The following SGSM2 variants were observed in gnomAD, a reference collection of about 807,000 sequenced individuals.
The protein encoded by SGSM2 is small G protein signaling modulator 2.
A neutral mutation model predicts 126.6 loss-of-function variants in SGSM2; 89 were observed. The observed-to-expected ratio is 0.70, with a 90% CI of 0.59 to 0.84. The LOEUF is 0.84. Ranked by LOEUF, SGSM2 falls within the 40% of genes least tolerant of loss-of-function variation. The probability of loss-of-function intolerance (pLI) is 0.00; values close to 1 mark genes in which losing one functional copy is unlikely to be tolerated. For synonymous variants in SGSM2, 614 were observed against 574.3 expected, an observed-to-expected ratio of 1.07 and a Z score of -0.99; for missense variants, 1,404 against 1,416.6, an observed-to-expected ratio of 0.99 and a Z score of 0.14.
Position 2,377,856 on chromosome 17 carries a change from G to A in SGSM2, c.2803-1G>A. Reference sequence around the variant, plus strand: ...TCTCTCCCTTTTCCCACCCACATAAGATCCTGGACTCAGAGCTGTTTGAGC... The same window carrying A: ...TCTCTCCCTTTTCCCACCCACATAAAATCCTGGACTCAGAGCTGTTTGAGC... On this transcript the variant is annotated splice_acceptor_variant, in intron 21 of 23. Transcript: ENST00000268989. LOFTEE classifies it high-confidence loss of function. 1 of 1,602,388 alleles carries A rather than the reference G, an allele frequency of 6.2e-7. No homozygotes were observed. The highest frequency in any genetic ancestry group is 8.5e-7 in the Non-Finnish European group (1 of 1,169,630).
intron 1 of SGSM2, among the ~76,000 whole-genome samples, chr17:2,339,381 G>A (rs1464694970): frequency 6.6e-6 from 1 of 152,124 alleles, no homozygotes; most frequent in Non-Finnish European, 1.5e-5. Flanking sequence ...GTTGCAGTGA[G>A]CCAAGATCGA....
chr17:2,349,727 G>C (rs2064765300), intron 2 of SGSM2, among the ~76,000 whole-genome samples: 2 of 152,106 alleles, frequency 1.3e-5, no homozygotes, highest in East Asian at 3.9e-4. Context: ...TGAGTACATG[G>C]GCAGCTGTTA....
At chr17:2,366,330 G>T (rs978240873) in intron 11 of SGSM2, among the ~76,000 whole-genome samples, 2 of 152,176 alleles carry the variant, frequency 1.3e-5, no homozygotes, top group East Asian at 3.8e-4. Flanking sequence ...CTGCCCATAG[G>T]CTTCTCTGGG....
chr17:2,375,421 G>A (rs2066085355), intron 17 of SGSM2, 71 bp from the exon 18 acceptor site: 3 of 1,526,324 alleles, frequency 2.0e-6, no homozygotes, highest in African/African-American at 2.7e-5. Context: ...GCTCCCTTCT[G>A]GCCCGAGGAG....
chr17:2,364,739 C>T (rs1597361981), intron 9 of SGSM2, 76 bp downstream of exon 9: 8 of 1,572,558 alleles, frequency 5.1e-6, no homozygotes, highest in Non-Finnish European at 7.0e-6. Context: ...TGCGTGGGGC[C>T]TGTAAGACTC....
At chr17:2,343,296 C>T (rs1381020649) in intron 1 of SGSM2, among the ~76,000 whole-genome samples, 2 of 152,136 alleles carry the variant, frequency 1.3e-5, no homozygotes, top group East Asian at 3.9e-4. Context: ...GGCACTTCCA[C>T]CTGGGCTGGA....
Position 2,375,763 on chromosome 17 carries a change from G to C in SGSM2, c.2372G>C (p.Gly791Ala). 2 of 1,599,576 alleles carry C rather than the reference G, an allele frequency of 1.3e-6. No homozygotes were observed. Among genetic ancestry groups the C allele is most frequent in the Non-Finnish European group, 1.7e-6 (2 of 1,171,502 alleles). Residue 791 changes from glycine to alanine, a missense_variant, in exon 18 of 24, where the codon GGC becomes GCC. Coordinates refer to ENST00000268989, the MANE Select transcript of SGSM2 (RefSeq NM_014853.3). ...GGGGAGGAAGGCTCCAGTGGGCCCGGCCCTGCAGCTCACACTTTGAGGGAG... is the reference window on the plus strand; with the variant it reads ...GGGGAGGAAGGCTCCAGTGGGCCCGCCCCTGCAGCTCACACTTTGAGGGAG... ...GGGEEGSSGPGPAAHTLREPQ... is the reference protein window; with the variant it reads ...GGGEEGSSGPAPAAHTLREPQ...
In SGSM2 at chr17:2,372,880, TGGGATG is replaced by T; in HGVS notation, c.1789-69_1789-64del. ...AGGCCCCGCCCCAGCCCATTCTCCG[TGGGATG>T]GGGCTCACCCAGCTGGGCCACGGTG... On this transcript the variant is annotated intron_variant, in intron 15 of 23. Transcript: ENST00000268989. The surrounding 1 kb of genome is among the most constrained non-coding windows in gnomAD (Gnocchi z 6.0). 6.6e-7 allele frequency: 1 copy of T among 1,522,982 alleles called. No homozygotes were observed. Among genetic ancestry groups the T allele is most frequent in the Non-Finnish European group, 8.8e-7 (1 of 1,131,378 alleles). 94.3% of individuals were successfully genotyped at this position (1,522,982 alleles called of 1,614,324 possible).
At position 2,364,448 on chromosome 17, in the gene SGSM2, C is replaced by T. The variant is rs1054351953; in HGVS notation, c.933-148C>T. The T allele has an allele frequency of 5.5e-6, 5 of 907,384 alleles. 1 individual carries two copies. The highest frequency in any genetic ancestry group is 4.6e-5 in the South Asian group (3 of 65,164). 56.2% of individuals were successfully genotyped at this position (907,384 alleles called of 1,614,324 possible). A position where few individuals can be genotyped will look rare whatever the true frequency, so the allele number is the denominator to read the frequency against. On this transcript the variant is annotated intron_variant, in intron 8 of 23. Coordinates refer to ENST00000268989, the MANE Select transcript of SGSM2 (RefSeq NM_014853.3). ...TGTGCCGAGCGGGCAGCACAGATCT[C>T]AGGGGTCATGGCTGGCTGTGTGCAC...
Position 2,380,539 on chromosome 17 carries a change from T to C in SGSM2, c.*1019T>C. 3.5e-6 allele frequency: 2 copies of C among 577,648 alleles called. No individual in the cohort carries two copies. Among genetic ancestry groups the C allele is most frequent in the Non-Finnish European group, 6.2e-6 (2 of 323,332 alleles). The allele number at this position is 577,648 out of a possible 1,614,324, so 35.8% of individuals were successfully genotyped here. On this transcript the variant is annotated 3_prime_UTR_variant, in exon 24 of 24. Transcript: ENST00000268989. ...AGGCTAGCTCTGCCTTCCACATGCT[T>C]CTCAGGATGCCAAGAGGCCTAGGAA...
rs144830807 is a variant in SGSM2, at chr17:2,372,063, C to T, written c.1578-127C>T. ...GCACCCACTGACGGCTGCTGGGCTG[C>T]GGCTCCTCCTCCTCGCACCCTCCCC... is the stretch of plus-strand genomic sequence containing the variant. On this transcript the variant is annotated intron_variant, in intron 13 of 23. Coordinates refer to ENST00000268989, the MANE Select transcript of SGSM2 (RefSeq NM_014853.3). The surrounding 1 kb of genome is among the most constrained non-coding windows in gnomAD (Gnocchi z 6.0). The T allele has an allele frequency of 1.2e-3, 1,350 of 1,091,270 alleles. 2 individuals are homozygous for T. The highest frequency in any genetic ancestry group is 1.5e-3 in the Non-Finnish European group (1,076 of 738,696). 67.6% of individuals were successfully genotyped at this position (1,091,270 alleles called of 1,614,324 possible).
At chr17:2,378,551 AAAG>A (rs1371105850) in intron 22 of SGSM2, among the ~76,000 whole-genome samples, 3 of 152,190 alleles carry the variant, frequency 2.0e-5, no homozygotes, top group African/African-American at 4.8e-5. Flanking sequence ...AAAGAAAAGA[AAAG>A]AAAAAATTGA....
chr17:2,373,322 T>C lies in SGSM2; in HGVS notation c.1918-9T>C, dbSNP rs1472726155. 2.5e-6 allele frequency: 4 copies of C among 1,609,194 alleles called. No individual in the cohort carries two copies. In the Admixed American group the frequency reaches 6.7e-5, roughly 27 times the overall value. On this transcript the variant is annotated splice_polypyrimidine_tract_variant and intron_variant, in intron 16 of 23. Coordinates refer to ENST00000268989, the MANE Select transcript of SGSM2 (RefSeq NM_014853.3). Reference sequence around the variant, plus strand: ...CTTCCCCCATGGTCGTGGTGTGGTCTGAGTACAGGTGGACGCAGTGGTGGC... The same window carrying C: ...CTTCCCCCATGGTCGTGGTGTGGTCCGAGTACAGGTGGACGCAGTGGTGGC...
chr17:2,364,899 A>G lies in SGSM2; in HGVS notation c.1003A>G (p.Ser335Gly). ...VVCIHCHQQK[S>G]GGTLVLVSQD... ...GCACTCTCCACGTTCACCCCCAGAGAGCGGTGGCACGCTTGTGCTGGTGAG... is the reference window on the plus strand; with the variant it reads ...GCACTCTCCACGTTCACCCCCAGAGGGCGGTGGCACGCTTGTGCTGGTGAG... Residue 335 changes from serine to glycine, a missense_variant and splice_region_variant, in exon 10 of 24, where the codon AGC becomes GGC. Ser to Gly is a moderately conservative substitution (Grantham distance 56, BLOSUM62 0). Transcript: ENST00000268989. The G allele has an allele frequency of 6.2e-7, 1 of 1,608,976 alleles. No homozygotes were observed. The highest frequency in any genetic ancestry group is 8.5e-7 in the Non-Finnish European group (1 of 1,179,906).
intron 2 of SGSM2, among the ~76,000 whole-genome samples, chr17:2,352,906 T>G (rs2064926571): frequency 7.2e-6 from 1 of 139,006 alleles, no homozygotes; most frequent in Non-Finnish European, 1.5e-5. Flanking sequence ...GCCTCCCGAG[T>G]AGCTGGGACT....
At chr17:2,349,504 C>G (rs1452223296) in intron 2 of SGSM2, among the ~76,000 whole-genome samples, 1 of 151,948 alleles carries the variant, frequency 6.6e-6, no homozygotes, top group Admixed American at 6.6e-5. Context: ...ATCAGGAACT[C>G]AATAAGGAAA....
chr17:2,349,530 G>A (rs991611034), intron 2 of SGSM2, among the ~76,000 whole-genome samples: 1 of 152,060 alleles, frequency 6.6e-6, no homozygotes, highest in African/African-American at 2.4e-5. Context: ...TAATATAAAG[G>A]AATTGTTACC....
In SGSM2 at chr17:2,372,424, G is replaced by A. The variant is rs1223034387; in HGVS notation, c.1724G>A (p.Arg575Gln). ...CACCATAGCGTTATCCCACCTGACC[G>A]GCCCCCGGGGGCCTCCGCGGGCCTC... ...LVHHSVIPPD[R>Q]PPGASAGLTK... The change falls in exon 15 of 24, where the codon CGG (arginine) becomes CAG (glutamine). Residue 575 changes from arginine (R) to glutamine (Q), a missense_variant. By Grantham distance (43) the Arg-to-Gln change is conservative. Transcript: ENST00000268989. This position sits in a 1 kb window ranked among gnomAD's most constrained non-coding sequence, Gnocchi z 6.0. The A allele has an allele frequency of 3.8e-6, 6 of 1,598,808 alleles. No individual in the cohort carries two copies. The African/African-American group carries it at 4.0e-5, about 11-fold the overall frequency.
intron 2 of SGSM2, among the ~76,000 whole-genome samples, chr17:2,345,000 T>C (rs2064531400): frequency 6.6e-6 from 1 of 152,206 alleles, no homozygotes; most frequent in African/African-American, 2.4e-5. Flanking sequence ...TTTGTAGGAC[T>C]TGAGTTCATA....
Sources: gnomAD v4.1 joint callset for allele counts (sites outside exome capture counted in the v4.1 genomes callset) on GRCh38, gnomAD v4.1.1 for gene constraint, Gnocchi (gnomAD v3.1) non-coding constraint, MANE v1.5 for transcripts, NCBI Gene and HGNC (gene_info 2026-07-23, HGNC 2026-07-21) for gene names.